Variants in ANGPTL4 observed in about 807,000 individuals in gnomAD.
The protein encoded by ANGPTL4 is angiopoietin-related protein 4.
A neutral mutation model predicts 39.2 loss-of-function variants in ANGPTL4; 39 were observed. The observed-to-expected ratio is 1.00, with a 90% CI of 0.77 to 1.30. The LOEUF is 1.30. ANGPTL4 is among the 50% of genes most tolerant of loss of function. The probability of loss-of-function intolerance (pLI) is 0.00; values close to 1 mark genes in which losing one functional copy is unlikely to be tolerated. For missense variants in ANGPTL4, 545 were observed against 549.8 expected, an observed-to-expected ratio of 0.99 and a Z score of 0.09; for synonymous variants, 233 against 229.5, an observed-to-expected ratio of 1.02 and a Z score of -0.14.
intron 6 of ANGPTL4, among the ~76,000 whole-genome samples, chr19:8,372,218 A>G (rs1345589215): frequency 4.0e-5 from 6 of 150,766 alleles, no homozygotes; most frequent in African/African-American, 1.2e-4. Flanking sequence ...CACCATGCAC[A>G]GATAATTGTT....
chr19:8,366,819 A>G (rs1054878372), intron 3 of ANGPTL4, among the ~76,000 whole-genome samples: 2 of 151,422 alleles, frequency 1.3e-5, no homozygotes, highest in African/African-American at 4.9e-5. Context: ...TACAAATCCA[A>G]TGCTCCAGGT....
chr19:8,367,473 C>A (rs528042596), intron 3 of ANGPTL4, among the ~76,000 whole-genome samples: 2 of 151,842 alleles, frequency 1.3e-5, no homozygotes, highest in African/African-American at 4.8e-5. Flanking sequence ...GCCGCGTGCC[C>A]ATCCTTACTG....
In ANGPTL4 at chr19:8,365,943, C is replaced by A; in HGVS notation, c.319-11C>A. Reference sequence around the variant, plus strand: ...AGCTGGGTCCTCACCAAGGTTTTCACCCCTCCCCAGACACAACTCAAGGCT... The same window carrying A: ...AGCTGGGTCCTCACCAAGGTTTTCAACCCTCCCCAGACACAACTCAAGGCT... On this transcript the variant is annotated splice_polypyrimidine_tract_variant and intron_variant, in intron 1 of 6. Coordinates refer to ENST00000301455, the MANE Select transcript of ANGPTL4 (RefSeq NM_139314.3). 6.2e-7 allele frequency: 1 copy of A among 1,612,462 alleles called. No individual in the cohort carries two copies. The highest frequency in any genetic ancestry group is 8.5e-7 in the Non-Finnish European group (1 of 1,178,684).
At chr19:8,364,778 C>A (rs548018510) in intron 1 of ANGPTL4, 139 bp downstream of exon 1, 12 of 1,113,780 alleles carry the variant, frequency 1.1e-5, no homozygotes, top group South Asian at 5.6e-5. Context: ...TGGGCTCCCC[C>A]CTTAGGAAGC....
At position 8,364,468 on chromosome 19, in the gene ANGPTL4, G is replaced by A; in HGVS notation, c.147G>A (p.Leu49=). 6.4e-7 allele frequency: 1 copy of A among 1,562,884 alleles called. No homozygotes were observed. Among genetic ancestry groups the A allele is most frequent in the Non-Finnish European group, 8.7e-7 (1 of 1,155,390 alleles). The stretch of plus-strand genomic sequence containing the variant: ...TGAATGTCCTGGCGCACGGACTCCT[G>A]CAGCTCGGCCAGGGGCTGCGCGAAC... ...DEMNVLAHGL[L]QLGQGLREHA... Residue 49 remains leucine, a synonymous_variant, in exon 1 of 7, where the codon CTG becomes CTA. Coordinates refer to ENST00000301455, the MANE Select transcript of ANGPTL4 (RefSeq NM_139314.3).
chr19:8,364,914 T>C lies in ANGPTL4; in HGVS notation c.318+275T>C, dbSNP rs1257073622. On this transcript the variant is annotated intron_variant, in intron 1 of 6. Coordinates refer to ENST00000301455, the MANE Select transcript of ANGPTL4 (RefSeq NM_139314.3). ...TAAATAAAATAAAATAAAATAAATATAAAATTAAAAAACGACCGGGCGCAG... is the reference window on the plus strand; with the variant it reads ...TAAATAAAATAAAATAAAATAAATACAAAATTAAAAAACGACCGGGCGCAG... Among the ~76,000 whole-genome samples the C allele has an allele frequency of 1.3e-5, 2 of 150,346 alleles. 1 individual carries two copies. The highest frequency in any genetic ancestry group is 3.9e-4 in the East Asian group (2 of 5,070).
chr19:8,366,912 G>C (rs1449609796), intron 3 of ANGPTL4, among the ~76,000 whole-genome samples: 1 of 150,944 alleles, frequency 6.6e-6, no homozygotes, highest in Non-Finnish European at 1.5e-5. Context: ...GCAGAAAGTG[G>C]GCTTTTGCTG....
intron 6 of ANGPTL4, among the ~76,000 whole-genome samples, chr19:8,373,383 G>C (rs1280568053): frequency 6.6e-6 from 1 of 151,646 alleles, no homozygotes; most frequent in African/African-American, 2.4e-5. Flanking sequence ...CAGCCTGGGA[G>C]ATAGAGTGAG....
In ANGPTL4 at chr19:8,371,449, C is replaced by T; in HGVS notation, c.966C>T (p.Leu322=). 1 of 1,613,394 alleles carries T rather than the reference C, an allele frequency of 6.2e-7. No homozygotes were observed. Among genetic ancestry groups the T allele is most frequent in the Non-Finnish European group, 8.5e-7 (1 of 1,180,014 alleles). Residue 322 remains leucine (L), a synonymous_variant, in exon 6 of 7, where the codon CTC becomes CTT. Transcript: ENST00000301455. This position sits in a 1 kb window ranked among gnomAD's most constrained non-coding sequence, Gnocchi z 5.1. ...CCACCACCGTCCCACCCAGCGGCCTCTCCGTACCCTTCTCCACTTGGGACC... is the reference window on the plus strand; with the variant it reads ...CCACCACCGTCCCACCCAGCGGCCTTTCCGTACCCTTCTCCACTTGGGACC... ...LGATTVPPSG[L]SVPFSTWDQD... is the part of the protein sequence containing the mutation.
intron 6 of ANGPTL4, 33 bp from the exon 7 acceptor site, chr19:8,373,672 C>T: frequency 1.2e-6 from 2 of 1,613,708 alleles, no homozygotes; most frequent in Non-Finnish European, 1.7e-6. Flanking sequence ...GCTCAAAGAC[C>T]TGACCATGTT....
chr19:8,372,758 A>T (rs541584992), intron 6 of ANGPTL4, among the ~76,000 whole-genome samples: 1 of 151,864 alleles, frequency 6.6e-6, no homozygotes, highest in Non-Finnish European at 1.5e-5. Context: ...GCGCCACTGC[A>T]CTCAAGCCTG....
Position 8,364,221 on chromosome 19 carries a change from A to T in ANGPTL4, c.-101A>T. On this transcript the variant is annotated 5_prime_UTR_variant, in exon 1 of 7. It adds an upstream start codon to the 5' untranslated region. Coordinates refer to ENST00000301455, the MANE Select transcript of ANGPTL4 (RefSeq NM_139314.3). ...TTCTTTCCAGCGGCTTCTGCAACCA[A>T]GCGGGTCTTACCCCCGGTCCTCCGC... 8.0e-7 allele frequency: 1 copy of T among 1,254,380 alleles called. No individual in the cohort carries two copies. The highest frequency in any genetic ancestry group is 1.4e-5 in the South Asian group (1 of 70,014). 77.7% of individuals were successfully genotyped at this position (1,254,380 alleles called of 1,614,324 possible).
At position 8,371,256 on chromosome 19, in the gene ANGPTL4, G is replaced by T. The variant is rs753558114; in HGVS notation, c.773G>T (p.Gly258Val). 3 of 1,614,050 alleles carry T rather than the reference G, an allele frequency of 1.9e-6. 1 individual carries two copies. In the South Asian group the frequency reaches 3.3e-5, roughly 18 times the overall value. The change falls in exon 6 of 7, where the codon GGT becomes GTT. Residue 258 changes from glycine to valine, a missense_variant. By Grantham distance (109) the Gly-to-Val change is moderately radical (BLOSUM62 -3). Coordinates refer to ENST00000301455, the MANE Select transcript of ANGPTL4 (RefSeq NM_139314.3). This position sits in a 1 kb window ranked among gnomAD's most constrained non-coding sequence, Gnocchi z 5.1. The stretch of plus-strand genomic sequence containing the variant: ...CCCACTCCAGGCGAGTTCTGGCTGG[G>T]TCTGGAGAAGGTGCATAGCATCACG... ...FGDPHGEFWLGLEKVHSITGD... is the reference protein window; with the variant it reads ...FGDPHGEFWLVLEKVHSITGD...
At chr19:8,366,368 A>G in intron 3 of ANGPTL4, 49 bp downstream of exon 3, 2 of 1,578,318 alleles carry the variant, frequency 1.3e-6, no homozygotes, top group Non-Finnish European at 1.7e-6. Flanking sequence ...CTACCCCGCC[A>G]CTTGCCATTG....
intron 1 of ANGPTL4, among the ~76,000 whole-genome samples, 177 bp downstream of exon 1, chr19:8,364,816 GA>G (rs947093091): frequency 6.0e-5 from 9 of 151,220 alleles, no homozygotes; most frequent in African/African-American, 2.2e-4. Context: ...TCAAGGCCAG[GA>G]ATTCAAGACC....
At position 8,364,628 on chromosome 19, in the gene ANGPTL4, C is replaced by T. The variant is rs1482270749; in HGVS notation, c.307C>T (p.His103Tyr). Residue 103 changes from histidine to tyrosine, a missense_variant, in exon 1 of 7, where the codon CAC (histidine) becomes TAC (tyrosine). His to Tyr is a moderately conservative substitution (Grantham distance 83). Transcript: ENST00000301455. ...PESRVDPEVL[H>Y]SLQTQLKAQN... ...GAGCCGGGTGGACCCTGAGGTCCTT[C>T]ACAGCCTGCAGGTACGTGTCCCCAG... 1 of 1,590,130 alleles carries T rather than the reference C, an allele frequency of 6.3e-7. No homozygotes were observed. Among genetic ancestry groups the T allele is most frequent in the South Asian group, 1.1e-5 (1 of 87,458 alleles).
intron 3 of ANGPTL4, 45 bp from the exon 4 acceptor site, chr19:8,369,174 A>G: frequency 6.5e-7 from 1 of 1,534,962 alleles, no homozygotes; most frequent in African/African-American, 1.4e-5. Context: ...GACCCCCCCC[A>G]GGGGCTGCCC....
chr19:8,366,153 G>C lies in ANGPTL4; in HGVS notation c.430-49G>C, dbSNP rs755956389. ...TGGTGAGAACTGGACGTGTGGCTGG[G>C]GACGTGGGGCCAGGCAGGACCTGAC... On this transcript the variant is annotated intron_variant, in intron 2 of 6. Transcript: ENST00000301455. 9.9e-6 allele frequency: 16 copies of C among 1,610,914 alleles called. No homozygotes were observed. The South Asian group carries it at 1.8e-4, about 18-fold the overall frequency.
In ANGPTL4 at chr19:8,373,760, C is replaced by T. The variant is rs1159780655; in HGVS notation, c.1095C>T (p.Arg365=). The part of the protein sequence containing the change: ...SHSNLNGQYF[R]SIPQQRQKLK... ...CCAACCTCAACGGCCAGTACTTCCG[C>T]TCCATCCCACAGCAGCGGCAGAAGC... Residue 365 remains arginine, a synonymous_variant, in exon 7 of 7, where the codon CGC becomes CGT. Coordinates refer to ENST00000301455, the MANE Select transcript of ANGPTL4 (RefSeq NM_139314.3). The T allele has an allele frequency of 5.6e-6, 9 of 1,613,932 alleles. No individual in the cohort carries two copies. Among genetic ancestry groups the T allele is most frequent in the African/African-American group, 2.7e-5 (2 of 74,940 alleles).
Sources: gnomAD v4.1 joint callset for allele counts (sites outside exome capture counted in the v4.1 genomes callset) on GRCh38, gnomAD v4.1.1 for gene constraint, Gnocchi (gnomAD v3.1) non-coding constraint, MANE v1.5 for transcripts, NCBI Gene and HGNC (gene_info 2026-07-23, HGNC 2026-07-21) for gene names.